KCTD5: variants seen among roughly 807,000 people sequenced by gnomAD.
KCTD5 encodes the protein potassium channel tetramerization domain containing 5, also known as BTB/POZ domain-containing protein KCTD5.
Under a neutral mutation model 27.9 loss-of-function variants are expected in KCTD5, and 12 were observed. The observed-to-expected ratio is 0.43, with a 90% confidence interval of 0.28 to 0.70. The LOEUF is 0.70. Among genes scored for constraint, KCTD5 ranks in the 30% least tolerant of loss-of-function variants. KCTD5 has a pLI of 0.19. For synonymous variants in KCTD5, 147 were observed against 121.4 expected (o/e 1.21, Z -1.39); for missense variants, 226 against 274.8 (o/e 0.82, Z 1.26).
At position 2,702,406 on chromosome 16, in the gene KCTD5, C is replaced by A. The variant is rs1335244426; in HGVS notation, c.603C>A (p.Phe201Leu). ...YNYGNEDQAE[F>L]LCVVSKELHN... ...ATGGGAACGAAGACCAAGCCGAGTT[C>A]CTCTGTGTGGTGTCCAAGGAGCTGC... The change falls in exon 5 of 6, where the codon TTC becomes TTA. Residue 201 changes from phenylalanine (F) to leucine (L), a missense_variant. Phe to Leu is a conservative substitution (Grantham distance 22, BLOSUM62 0). This residue lies in a region of KCTD5 where 135 missense variants were observed against 207.0 expected (regional missense o/e 0.65). Coordinates refer to ENST00000301738, the MANE Select transcript of KCTD5 (RefSeq NM_018992.4). 1.2e-6 allele frequency: 2 copies of A among 1,613,526 alleles called. No individual in the cohort carries two copies. Among genetic ancestry groups the A allele is most frequent in the South Asian group, 2.2e-5 (2 of 91,080 alleles).
chr16:2,702,245 T>G, intron 4 of KCTD5, 108 bp from the exon 5 acceptor site: 1 of 1,411,308 alleles, frequency 7.1e-7, no homozygotes, highest in Middle Eastern at 1.8e-4. Flanking sequence ...GTCGGCAGTC[T>G]TTGCTGTGGC....
In KCTD5 at chr16:2,708,282, T is replaced by G. The variant is rs77844870; in HGVS notation, c.*955T>G. 0.033 allele frequency: 4,971 copies of G among 152,850 alleles called. 120 individuals carry two copies. The highest frequency in any genetic ancestry group is 0.053 in the Non-Finnish European group (3,640 of 68,056). The allele number at this position is 152,850 out of a possible 1,614,324, so 9.5% of individuals were successfully genotyped here. A position where few individuals can be genotyped will look rare whatever the true frequency, so the allele number is the denominator to read the frequency against. On this transcript the variant is annotated 3_prime_UTR_variant, in exon 6 of 6. Coordinates refer to ENST00000301738, the MANE Select transcript of KCTD5 (RefSeq NM_018992.4). ...CCTCTCTCTCGCCGCTCTCTCATTT[T>G]CTTTGTATAACTATGCAGCCTTCCC...
chr16:2,697,539 A>G (rs2067591701), intron 2 of KCTD5, among the ~76,000 whole-genome samples: 1 of 152,176 alleles, frequency 6.6e-6, no homozygotes. Flanking sequence ...TGGAGGGAAA[A>G]TGCCAGATCC....
chr16:2,707,116 G>C (rs74003063), intron 5 of KCTD5, among the ~76,000 whole-genome samples, 182 bp from the exon 6 acceptor site: 2 of 152,268 alleles, frequency 1.3e-5, no homozygotes, highest in African/African-American at 2.4e-5. Flanking sequence ...AGATGTGCCA[G>C]ACACCCCGGT....
intron 1 of KCTD5, among the ~76,000 whole-genome samples, chr16:2,694,361 GGAT>G: frequency 7.9e-5 from 6 of 75,518 alleles, no homozygotes; most frequent in Non-Finnish European, 1.7e-4. Context: ...TGGGGAAGGA[GGAT>G]AGGGTCAGGT....
Position 2,697,933 on chromosome 16 carries a change from A to G in KCTD5, c.389A>G (p.Asn130Ser), listed in dbSNP as rs759590193. The change falls in exon 3 of 6, where the codon AAT becomes AGT. Residue 130 changes from asparagine (N) to serine (S), a missense_variant. Physicochemically the swap from Asn to Ser is conservative, Grantham distance 46. Coordinates refer to ENST00000301738, the MANE Select transcript of KCTD5 (RefSeq NM_018992.4). ...GTGTTGGAGGAAGCAGAATTTTACAATATCACCTCATTAATAAAACTTGTA... is the reference window on the plus strand; with the variant it reads ...GTGTTGGAGGAAGCAGAATTTTACAGTATCACCTCATTAATAAAACTTGTA... ...EGVLEEAEFY[N>S]ITSLIKLVKD... is the part of the protein sequence containing the mutation. 5 of 1,611,008 alleles carry G rather than the reference A, an allele frequency of 3.1e-6. No individual in the cohort carries two copies. Among genetic ancestry groups the G allele is most frequent in the African/African-American group, 1.3e-5 (1 of 74,880 alleles).
intron 5 of KCTD5, among the ~76,000 whole-genome samples, chr16:2,703,610 G>A (rs565820445): frequency 6.6e-6 from 1 of 152,202 alleles, no homozygotes; most frequent in Non-Finnish European, 1.5e-5. Flanking sequence ...ACAGAGGGGT[G>A]GGGCCGCCAA....
chr16:2,690,820 A>T (rs114141293), intron 1 of KCTD5, among the ~76,000 whole-genome samples: 184 of 152,340 alleles, frequency 1.2e-3, no homozygotes, highest in African/African-American at 4.4e-3. Context: ...CCCCGAGGTG[A>T]CCTTGCTGCC....
At chr16:2,702,535 C>T (rs1367559494) in intron 5 of KCTD5, 57 bp downstream of exon 5, 6 of 1,580,268 alleles carry the variant, frequency 3.8e-6, no homozygotes, top group Admixed American at 1.8e-5. Context: ...GGCTCTTGCC[C>T]TCTCAGACCT....
chr16:2,706,524 C>T (rs1596227175), intron 5 of KCTD5, among the ~76,000 whole-genome samples: 1 of 152,168 alleles, frequency 6.6e-6, no homozygotes, highest in South Asian at 2.1e-4. Context: ...TTTGGGAGTT[C>T]ACCTCAGCAG....
chr16:2,705,451 G>C (rs2067631382), intron 5 of KCTD5, among the ~76,000 whole-genome samples: 1 of 152,146 alleles, frequency 6.6e-6, no homozygotes, highest in Non-Finnish European at 1.5e-5. Context: ...GTGAACCCAA[G>C]AGCCCCTCCT....
At position 2,699,869 on chromosome 16, in the gene KCTD5, C is replaced by T; in HGVS notation, c.502C>T (p.Leu168Phe). 6.2e-7 allele frequency: 1 copy of T among 1,613,962 alleles called. No individual in the cohort carries two copies. Among genetic ancestry groups the T allele is most frequent in the Non-Finnish European group, 8.5e-7 (1 of 1,179,996 alleles). Residue 168 changes from leucine (L) to phenylalanine (F), a missense_variant, in exon 4 of 6, where the codon CTC becomes TTC. Leu to Phe is a conservative substitution (Grantham distance 22, BLOSUM62 0). Around this residue, in one of 2 missense-constraint regions of KCTD5, gnomAD observed 135 missense variants for 207.0 expected, o/e 0.65. Coordinates refer to ENST00000301738, the MANE Select transcript of KCTD5 (RefSeq NM_018992.4). The part of the protein sequence containing the change: ...YRVLQCQEEE[L>F]TQMVSTMSDG... ...TGTGCTGCAGTGCCAGGAGGAGGAG[C>T]TCACGCAGATGGTGTCCACCATGTC...
At chr16:2,683,085 G>A (rs1435986174) in intron 1 of KCTD5, 3 of 395,826 alleles carry the variant, frequency 7.6e-6, no homozygotes, top group Non-Finnish European at 9.0e-6. Context: ...TGGTGGAGGA[G>A]GCTTCCTAGA....
chr16:2,706,752 A>C (rs2067638232), intron 5 of KCTD5, among the ~76,000 whole-genome samples: 3 of 151,720 alleles, frequency 2.0e-5, no homozygotes, highest in Admixed American at 6.6e-5. Flanking sequence ...CGTGATCTGC[A>C]CTTGGGGTAG....
intron 5 of KCTD5, among the ~76,000 whole-genome samples, chr16:2,704,263 G>T (rs557156505): frequency 6.6e-6 from 1 of 152,250 alleles, no homozygotes; most frequent in East Asian, 1.9e-4. Context: ...GATTGCGGGG[G>T]CCAGAGCTGG....
intron 2 of KCTD5, among the ~76,000 whole-genome samples, chr16:2,697,551 A>G (rs983719090): frequency 6.6e-6 from 1 of 151,630 alleles, no homozygotes; most frequent in Non-Finnish European, 1.5e-5. Context: ...GCCAGATCCA[A>G]CCCCCAGCAT....
At position 2,707,546 on chromosome 16, in the gene KCTD5, T is replaced by A. The variant is rs1596227596; in HGVS notation, c.*219T>A. 1.5e-6 allele frequency: 1 copy of A among 659,412 alleles called. No individual in the cohort carries two copies. Among genetic ancestry groups the A allele is most frequent in the Non-Finnish European group, 2.7e-6 (1 of 364,222 alleles). The allele number at this position is 659,412 out of a possible 1,614,324, so 40.8% of individuals were successfully genotyped here. A position where few individuals can be genotyped will look rare whatever the true frequency, so the allele number is the denominator to read the frequency against. On this transcript the variant is annotated 3_prime_UTR_variant, in exon 6 of 6. Transcript: ENST00000301738. ...AAGTTGGGGGAGCACGGCGGCCGGGTGGGCGCTGCCTCTTGGGGGGGCCTC... is the reference window on the plus strand; with the variant it reads ...AAGTTGGGGGAGCACGGCGGCCGGGAGGGCGCTGCCTCTTGGGGGGGCCTC...
intron 4 of KCTD5, among the ~76,000 whole-genome samples, chr16:2,702,071 C>T (rs1336332011): frequency 6.6e-6 from 1 of 152,242 alleles, no homozygotes; most frequent in East Asian, 1.9e-4. Flanking sequence ...TGTGCTCCGT[C>T]CCCCTGGGGC....
intron 1 of KCTD5, among the ~76,000 whole-genome samples, chr16:2,692,551 C>G (rs1323514479): frequency 6.6e-6 from 1 of 152,216 alleles, no homozygotes; most frequent in Non-Finnish European, 1.5e-5. Context: ...CTGCCCTGCT[C>G]TGGCTGAGCC....
Sources: allele counts gnomAD v4.1 joint callset (sites outside exome capture counted in the v4.1 genomes callset), GRCh38; gene constraint gnomAD v4.1.1; regional missense constraint gnomAD v4.1.1; transcripts MANE v1.5; gene names NCBI Gene and HGNC (gene_info 2026-07-23, HGNC 2026-07-21).